Variants in STARD13 observed in about 807,000 individuals in gnomAD.
STARD13 encodes the protein StAR related lipid transfer domain containing 13.
STARD13 carries 62 observed loss-of-function variants against 106.4 expected under a neutral mutation model. That is an observed-to-expected ratio of 0.58 (90% CI 0.48 to 0.72). STARD13 has a LOEUF of 0.72. Ranked by LOEUF, STARD13 falls within the 30% of genes least tolerant of loss-of-function variation. The probability of loss-of-function intolerance (pLI) is 0.00; values close to 1 mark genes in which losing one functional copy is unlikely to be tolerated. For missense variants in STARD13, 1,387 were observed against 1,424.0 expected (o/e 0.97, Z 0.42); for synonymous variants, 565 against 553.0 (o/e 1.02, Z -0.31).
the STARD13 span, among the ~76,000 whole-genome samples, chr13:33,506,996 G>A: frequency 1.3e-5 from 2 of 152,132 alleles, no homozygotes; most frequent in African/African-American, 4.8e-5. Flanking sequence ...AGCTACTTAG[G>A]AGGCTCAGGT....
At chr13:33,149,236 C>G (rs1880948586) in intron 3 of STARD13, among the ~76,000 whole-genome samples, 1 of 151,684 alleles carries the variant, frequency 6.6e-6, no homozygotes, top group African/African-American at 2.4e-5. Context: ...TTCATTGATT[C>G]TAGAAAATGT....
At chr13:33,532,939 A>G in the STARD13 span, among the ~76,000 whole-genome samples, 4,961 of 152,020 alleles carry the variant, frequency 0.033, 268 homozygotes, top group African/African-American at 0.11. Context: ...ATCAGCCACA[A>G]AATTTTTCCA....
chr13:33,400,646 C>G, the STARD13 span, among the ~76,000 whole-genome samples: 124 of 152,028 alleles, frequency 8.2e-4, no homozygotes, highest in East Asian at 0.019. Flanking sequence ...TGTATTTTTA[C>G]TAGAGACGGG....
chr13:33,569,613 A>G, the STARD13 span, among the ~76,000 whole-genome samples: 3 of 147,484 alleles, frequency 2.0e-5, 1 homozygote, highest in Non-Finnish European at 4.5e-5. Context: ...ATATAGAGGT[A>G]ACATCTCAAT....
At chr13:33,465,121 A>G in the STARD13 span, among the ~76,000 whole-genome samples, 1 of 148,156 alleles carries the variant, frequency 6.7e-6, no homozygotes, top group Non-Finnish European at 1.5e-5. Flanking sequence ...TACTATCTTC[A>G]TTGCTATTTT....
At chr13:33,577,157 C>T in the STARD13 span, among the ~76,000 whole-genome samples, 1 of 152,172 alleles carries the variant, frequency 6.6e-6, no homozygotes, top group Admixed American at 6.6e-5. Context: ...GAGTGATTTT[C>T]ATAATGTACT....
At chr13:33,664,968 A>G in the STARD13 span, among the ~76,000 whole-genome samples, 1 of 152,218 alleles carries the variant, frequency 6.6e-6, no homozygotes. Flanking sequence ...ATCCTGACGG[A>G]AAAGATAAAA....
At chr13:33,560,612 A>G in the STARD13 span, among the ~76,000 whole-genome samples, 1 of 151,522 alleles carries the variant, frequency 6.6e-6, no homozygotes, top group Non-Finnish European at 1.5e-5. Context: ...TTTTGGCAGC[A>G]ACAGAGCAGA....
chr13:33,288,439 T>TAA (rs111875268), upstream of STARD13, among the ~76,000 whole-genome samples: 1 of 143,918 alleles, frequency 6.9e-6, no homozygotes. Flanking sequence ...CCTGGCCAAT[T>TAA]AAAAAAAAAA....
the STARD13 span, among the ~76,000 whole-genome samples, chr13:33,456,036 T>A: frequency 6.6e-6 from 1 of 152,158 alleles, no homozygotes; most frequent in Non-Finnish European, 1.5e-5. Flanking sequence ...TATCCAAATT[T>A]CAATGTCCAT....
the STARD13 span, among the ~76,000 whole-genome samples, chr13:33,476,783 C>A: frequency 6.6e-6 from 1 of 152,118 alleles, no homozygotes; most frequent in Non-Finnish European, 1.5e-5. Flanking sequence ...GTATTTTGAG[C>A]CTTTTAACAT....
chr13:33,489,468 C>T, the STARD13 span, among the ~76,000 whole-genome samples: 1 of 152,168 alleles, frequency 6.6e-6, no homozygotes, highest in South Asian at 2.1e-4. Flanking sequence ...TATTATTCTT[C>T]ATTTTCTTTC....
At chr13:33,189,283 A>G (rs1262970848) in intron 1 of STARD13, among the ~76,000 whole-genome samples, 1 of 151,690 alleles carries the variant, frequency 6.6e-6, no homozygotes, top group Non-Finnish European at 1.5e-5. Context: ...TTTAATGGCT[A>G]GATATAACCA....
intron 1 of STARD13, among the ~76,000 whole-genome samples, chr13:33,248,343 A>G (rs1889934747): frequency 2.0e-5 from 3 of 152,246 alleles, no homozygotes; most frequent in Admixed American, 2.0e-4. Flanking sequence ...TCTCTCTAAA[A>G]AAAAGAAGAA....
the STARD13 span, among the ~76,000 whole-genome samples, chr13:33,518,153 G>A: frequency 5.3e-5 from 8 of 152,086 alleles, no homozygotes. Flanking sequence ...GTCAGCCTGT[G>A]TTGTGCCCAT....
chr13:33,616,644 T>G, the STARD13 span, among the ~76,000 whole-genome samples: 2 of 152,220 alleles, frequency 1.3e-5, no homozygotes, highest in African/African-American at 2.4e-5. Context: ...TCTCTTTACG[T>G]ATTTATATTG....
upstream of STARD13, among the ~76,000 whole-genome samples, chr13:33,285,919 C>T (rs946511176): frequency 2.6e-5 from 4 of 151,994 alleles, no homozygotes; most frequent in Non-Finnish European, 4.4e-5. Context: ...CCTCACACAA[C>T]GCTGAAAGCA....
chr13:33,221,289 C>T (rs1330414236), intron 1 of STARD13, among the ~76,000 whole-genome samples: 1 of 152,172 alleles, frequency 6.6e-6, no homozygotes, highest in East Asian at 1.9e-4. Context: ...TTTTCTGTCT[C>T]TATAAGTTTG....
In STARD13 at chr13:33,310,900, A is replaced by G. The variant is rs148865170; in HGVS notation, c.124+39390T>C. Among the ~76,000 whole-genome samples, 446 of 152,248 alleles carry G rather than the reference A, an allele frequency of 2.9e-3. 2 individuals are homozygous for G. The highest frequency in any genetic ancestry group is 0.01 in the African/African-American group (430 of 41,544). On this transcript the variant is annotated intron_variant, in intron 1 of 5. Coordinates refer to the STARD13 transcript ENST00000567873. ...TATTGCTCCTAGGCTACAAACCTGC[A>G]CAGCATGTTACTGTACTGAATACTG... is the stretch of plus-strand genomic sequence containing the variant.
Sources: gnomAD v4.1 joint callset for allele counts (sites outside exome capture counted in the v4.1 genomes callset) on GRCh38, gnomAD v4.1.1 for gene constraint, MANE v1.5 for transcripts, NCBI Gene and HGNC (gene_info 2026-07-23, HGNC 2026-07-21) for gene names.